The following CPNE5 variants were observed in gnomAD, a reference collection of about 807,000 sequenced individuals.
CPNE5 encodes the protein copine 5, also known as copine-5.
CPNE5 carries 42 observed loss-of-function variants against 81.1 expected under a neutral mutation model. The observed-to-expected ratio is 0.52, with a 90% CI of 0.40 to 0.67. CPNE5 has a LOEUF of 0.67. Among genes scored for constraint, CPNE5 ranks in the 30% least tolerant of loss-of-function variants. The pLI is 0.00. For missense variants in CPNE5, 612 were observed against 815.5 expected (o/e 0.75, Z 3.04); for synonymous variants, 313 against 321.5 (o/e 0.97, Z 0.28).
chr6:36,763,198 A>G (rs1302001312), intron 11 of CPNE5, among the ~76,000 whole-genome samples: 1 of 152,236 alleles, frequency 6.6e-6, no homozygotes, highest in Non-Finnish European at 1.5e-5. Flanking sequence ...CCCAGTAAAG[A>G]GCAGGGCCCT....
chr6:36,799,840 C>G (rs1020313436), intron 4 of CPNE5, 127 bp downstream of exon 4: 7 of 678,480 alleles, frequency 1.0e-5, no homozygotes, highest in Non-Finnish European at 1.8e-5. Context: ...ATTGTCACTT[C>G]TATCCCAGGC....
intron 12 of CPNE5, among the ~76,000 whole-genome samples, chr6:36,756,830 G>A (rs1765524407): frequency 6.6e-6 from 1 of 152,166 alleles, no homozygotes; most frequent in African/African-American, 2.4e-5. Flanking sequence ...TTGAGTGTAA[G>A]CTTTAACTTC....
At position 36,742,244 on chromosome 6, in the gene CPNE5, G is replaced by A. The variant is rs1285894139; in HGVS notation, c.*24C>T. On this transcript the variant is annotated 3_prime_UTR_variant, in exon 21 of 21. Transcript: ENST00000244751. The stretch of plus-strand genomic sequence containing the variant: ...TTCACCTGGCCTCTCCCAGGCCCCA[G>A]CCACCTGCCTGCTGAGACCAGGTTC... The A allele has an allele frequency of 1.3e-6, 2 of 1,526,956 alleles. No individual in the cohort carries two copies. Among genetic ancestry groups the A allele is most frequent in the Non-Finnish European group, 1.8e-6 (2 of 1,129,472 alleles). 94.6% of individuals were successfully genotyped at this position (1,526,956 alleles called of 1,614,324 possible).
chr6:36,837,498 C>T (rs924853080), intron 1 of CPNE5, among the ~76,000 whole-genome samples: 1 of 152,166 alleles, frequency 6.6e-6, no homozygotes, highest in Non-Finnish European at 1.5e-5. Context: ...AATGCTTACA[C>T]AGTTGCTTTG....
chr6:36,828,943 T>TC (rs1009824825), intron 1 of CPNE5, among the ~76,000 whole-genome samples: 1 of 151,846 alleles, frequency 6.6e-6, no homozygotes. Context: ...CTAATAACAG[T>TC]CCCCCCCTCC....
At chr6:36,756,136 C>A in intron 13 of CPNE5, 109 bp downstream of exon 13, 1 of 756,720 alleles carries the variant, frequency 1.3e-6, no homozygotes, top group South Asian at 1.7e-5. Context: ...GTCTGATTCC[C>A]ACGCTCAGCC....
intron 8 of CPNE5, among the ~76,000 whole-genome samples, chr6:36,783,752 G>A (rs573049020): frequency 3.3e-5 from 5 of 152,214 alleles, no homozygotes; most frequent in South Asian, 2.1e-4. Flanking sequence ...GAGGTCAAGC[G>A]ATCTGCCCAC....
intron 1 of CPNE5, among the ~76,000 whole-genome samples, chr6:36,836,633 G>A (rs1257628645): frequency 2.0e-5 from 3 of 152,222 alleles, no homozygotes; most frequent in East Asian, 1.9e-4. Flanking sequence ...AGCCCTGAGA[G>A]CGGGTGCAGT....
chr6:36,784,160 G>A (rs1483376408), intron 8 of CPNE5, among the ~76,000 whole-genome samples: 4 of 152,244 alleles, frequency 2.6e-5, no homozygotes, highest in Non-Finnish European at 5.9e-5. Context: ...AGATAAGTGA[G>A]GCATTGCTGG....
chr6:36,748,123 A>C, intron 15 of CPNE5, 98 bp downstream of exon 15: 3 of 1,089,998 alleles, frequency 2.8e-6, no homozygotes, highest in Non-Finnish European at 2.8e-6. Flanking sequence ...GGAAGAGGCC[A>C]GAGAGTATGA....
At chr6:36,806,782 C>T (rs1770632582) in intron 3 of CPNE5, among the ~76,000 whole-genome samples, 1 of 152,224 alleles carries the variant, frequency 6.6e-6, no homozygotes, top group Admixed American at 6.5e-5. Context: ...TTCATGTCAC[C>T]AAGAAAGTGC....
At position 36,740,885 on chromosome 6, in the gene CPNE5, G is replaced by C. The variant is rs1763551250; in HGVS notation, c.*1383C>G. On this transcript the variant is annotated 3_prime_UTR_variant, in exon 21 of 21. Transcript: ENST00000244751. ...TAGAAACACCACCACCATGCATGAC[G>C]GGGAAGCAGAGGCAGGCGGAAGACG... is the stretch of plus-strand genomic sequence containing the variant. The C allele has an allele frequency of 6.5e-6, 1 of 152,760 alleles. No individual in the cohort carries two copies. The highest frequency in any genetic ancestry group is 2.4e-5 in the African/African-American group (1 of 41,458). 9.5% of individuals were successfully genotyped at this position (152,760 alleles called of 1,614,324 possible). A position where few individuals can be genotyped will look rare whatever the true frequency, so the allele number is the denominator to read the frequency against.
In CPNE5 at chr6:36,798,824, C is replaced by G. The variant is rs146847837; in HGVS notation, c.288-330G>C. Among the ~76,000 whole-genome samples, 137 of 152,294 alleles carry G rather than the reference C, an allele frequency of 9.0e-4. 1 individual carries two copies. The highest frequency in any genetic ancestry group is 3.2e-3 in the African/African-American group (133 of 41,546). On this transcript the variant is annotated intron_variant, in intron 4 of 20. Transcript: ENST00000244751. Reference sequence around the variant, plus strand: ...ATCAATGAGCTCTGTTCACAGGTGGCTAAGCCATCTTACCTTTCACTCCCT... The same window carrying G: ...ATCAATGAGCTCTGTTCACAGGTGGGTAAGCCATCTTACCTTTCACTCCCT...
intron 3 of CPNE5, among the ~76,000 whole-genome samples, chr6:36,802,706 G>T (rs1261337671): frequency 6.6e-6 from 1 of 152,110 alleles, no homozygotes; most frequent in African/African-American, 2.4e-5. Flanking sequence ...GAGGCCCTGG[G>T]TTACCTGGGG....
chr6:36,759,845 G>A (rs1765850072), intron 12 of CPNE5, among the ~76,000 whole-genome samples: 1 of 151,686 alleles, frequency 6.6e-6, no homozygotes, highest in Non-Finnish European at 1.5e-5. Flanking sequence ...ATGAATGTGG[G>A]AATGGGCAGA....
At chr6:36,800,111 G>A (rs3213539) in intron 3 of CPNE5, 41 bp from the exon 4 acceptor site, 45,388 of 1,479,454 alleles carry the variant, frequency 0.031, 2,024 homozygotes, top group East Asian at 0.22. Flanking sequence ...GGCCGGGCTG[G>A]TGGGGCCGGC....
chr6:36,778,992 G>GGAGA (rs749509626), intron 8 of CPNE5, 35 bp from the exon 9 acceptor site: 20 of 1,432,706 alleles, frequency 1.4e-5, no homozygotes, highest in African/African-American at 5.6e-5. Flanking sequence ...GTGTGAGGCA[G>GGAGA]GAGAAAGTGG....
Position 36,795,687 on chromosome 6 carries a change from C to A in CPNE5, c.405-1038G>T, listed in dbSNP as rs182813792. Among the ~76,000 whole-genome samples the A allele has an allele frequency of 2.1e-3, 316 of 152,276 alleles. 2 individuals are homozygous for A. Among genetic ancestry groups the A allele is most frequent in the African/African-American group, 7.5e-3 (312 of 41,554 alleles). ...TGACATCTTGATCTCCGACGTCTAG[C>A]CGCCAGAATTGTGAGAAAATCAATT... On this transcript the variant is annotated intron_variant, in intron 6 of 20. Coordinates refer to ENST00000244751, the MANE Select transcript of CPNE5 (RefSeq NM_020939.2).
At chr6:36,763,517 C>T (rs1398661389) in intron 11 of CPNE5, among the ~76,000 whole-genome samples, 2 of 150,186 alleles carry the variant, frequency 1.3e-5, no homozygotes, top group Admixed American at 6.7e-5. Context: ...GCAGGAGAAT[C>T]GCTTGAACCC....
Sources: gnomAD v4.1 joint callset for allele counts (sites outside exome capture counted in the v4.1 genomes callset) on GRCh38, gnomAD v4.1.1 for gene constraint, MANE v1.5 for transcripts, NCBI Gene and HGNC (gene_info 2026-07-23, HGNC 2026-07-21) for gene names.